Variants in DPY19L2 observed in about 807,000 individuals in gnomAD.
DPY19L2 encodes dpy-19 like 2.
A neutral mutation model predicts 97.9 loss-of-function variants in DPY19L2; 34 were observed. The observed-to-expected ratio is 0.35, with a 90% CI of 0.26 to 0.46. DPY19L2 has a LOEUF of 0.46. Ranked by LOEUF, DPY19L2 falls within the 20% of genes least tolerant of loss-of-function variation. The probability of loss-of-function intolerance (pLI) is 1.00; values close to 1 mark genes in which losing one functional copy is unlikely to be tolerated. For missense variants in DPY19L2, 623 were observed against 911.4 expected, an observed-to-expected ratio of 0.68 and a Z score of 4.07; for synonymous variants, 230 against 307.9, an observed-to-expected ratio of 0.75 and a Z score of 2.65.
intron 21 of DPY19L2, among the ~76,000 whole-genome samples, chr12:63,564,986 C>T (rs1877374025): frequency 6.6e-6 from 1 of 152,084 alleles, no homozygotes; most frequent in Non-Finnish European, 1.5e-5. Flanking sequence ...CTTGTTTAAC[C>T]TTGATAATAT....
intron 4 of DPY19L2, among the ~76,000 whole-genome samples, chr12:63,659,444 A>T (rs1895392407): frequency 6.6e-6 from 1 of 150,432 alleles, no homozygotes; most frequent in Non-Finnish European, 1.5e-5. Context: ...TACATGTACA[A>T]ATCCAACATA....
intron 15 of DPY19L2, among the ~76,000 whole-genome samples, chr12:63,594,637 CGTGTGTGTGCGTGTCT>C (rs1421522097): frequency 2.4e-5 from 3 of 124,982 alleles, no homozygotes; most frequent in African/African-American, 7.7e-5. Context: ...GCTGCAGGGA[CGTGTGTGTGCGTGTCT>C]GTGTGTGTGT....
At chr12:63,608,402 G>A (rs965283034) in intron 12 of DPY19L2, among the ~76,000 whole-genome samples, 8 of 152,164 alleles carry the variant, frequency 5.3e-5, no homozygotes, top group African/African-American at 1.9e-4. Flanking sequence ...AGTTAGTTGT[G>A]AAATATGTGA....
chr12:63,664,654 C>T (rs1415165281), intron 2 of DPY19L2, among the ~76,000 whole-genome samples: 1 of 152,130 alleles, frequency 6.6e-6, no homozygotes, highest in Non-Finnish European at 1.5e-5. Flanking sequence ...AGTAGTGAAA[C>T]TCAACAGCTG....
intron 11 of DPY19L2, among the ~76,000 whole-genome samples, 184 bp from the exon 12 acceptor site, chr12:63,608,859 G>A (rs2942662): frequency 6.6e-6 from 1 of 152,058 alleles, no homozygotes; most frequent in South Asian, 2.1e-4. Context: ...CTTGAGGTGA[G>A]AGTTAAATGG....
chr12:63,628,945 C>A (rs544964027), intron 6 of DPY19L2, among the ~76,000 whole-genome samples: 236 of 151,982 alleles, frequency 1.6e-3, no homozygotes, highest in Middle Eastern at 0.014. Flanking sequence ...TGCTGATACC[C>A]ACGCAAACAG....
intron 6 of DPY19L2, among the ~76,000 whole-genome samples, chr12:63,643,272 T>C (rs1435485076): frequency 1.3e-5 from 2 of 152,050 alleles, no homozygotes; most frequent in African/African-American, 4.8e-5. Flanking sequence ...TTATGTACCG[T>C]GCTGGATAGT....
intron 1 of DPY19L2, among the ~76,000 whole-genome samples, chr12:63,667,381 C>T (rs1250657666): frequency 2.0e-5 from 3 of 152,028 alleles, no homozygotes; most frequent in Non-Finnish European, 4.4e-5. Flanking sequence ...TCTCTCACTC[C>T]CTCCCTTAAC....
intron 15 of DPY19L2, 143 bp downstream of exon 15, chr12:63,595,823 C>T (rs1255411254): frequency 1.2e-5 from 8 of 680,686 alleles, no homozygotes; most frequent in South Asian, 4.0e-5. Flanking sequence ...ATAAAAAGAT[C>T]GATGATGAAA....
upstream of DPY19L2, chr12:63,668,689 C>G: frequency 2.6e-6 from 1 of 387,894 alleles, no homozygotes; most frequent in Non-Finnish European, 4.7e-6. Flanking sequence ...CGCACAGCCC[C>G]CCACACCCTC....
Position 63,668,335 on chromosome 12 carries a change from T to G in DPY19L2, c.59A>C (p.Lys20Thr). 1 of 1,613,832 alleles carries G rather than the reference T, an allele frequency of 6.2e-7. No individual in the cohort carries two copies. Among genetic ancestry groups the G allele is most frequent in the Non-Finnish European group, 8.5e-7 (1 of 1,179,916 alleles). ...GGCGAGGGAGGCCCCGCGCCGCCCC[T>G]TAGACTGGCTGCGGCCGGAAGATTG... ...RLQSSGRSQS[K>T]GRRGASLARE... Residue 20 changes from lysine (K) to threonine (T), a missense_variant, in exon 1 of 22, where the codon AAG becomes ACG. By Grantham distance (78) the Lys-to-Thr change is moderately conservative (BLOSUM62 -1). Transcript: ENST00000324472.
rs141339630 is a variant in DPY19L2 at position 63,624,024 on chromosome 12, T to C, written c.953+16A>G. 51,054 of 1,579,464 alleles carry C rather than the reference T, an allele frequency of 0.032. 1,123 individuals are homozygous for C. The highest frequency in any genetic ancestry group is 0.051 in the South Asian group (4,618 of 89,850). On this transcript the variant is annotated intron_variant, in intron 8 of 21. Transcript: ENST00000324472. ...AATTATAATTTATTTGCCTTCGTTT[T>C]ATAAATCGAAGTTACCTGAGAATCA...
chr12:63,650,780 G>T (rs1426761222), intron 4 of DPY19L2, among the ~76,000 whole-genome samples: 2 of 152,050 alleles, frequency 1.3e-5, no homozygotes, highest in East Asian at 3.8e-4. Context: ...GCAATTTACA[G>T]ATTCAATGCT....
In DPY19L2 at chr12:63,652,982, C is replaced by A. The variant is rs564634369; in HGVS notation, c.589-5617G>T. Among the ~76,000 whole-genome samples, 134 of 151,912 alleles carry A rather than the reference C, an allele frequency of 8.8e-4. 1 individual carries two copies. Among genetic ancestry groups the A allele is most frequent in the Non-Finnish European group, 1.6e-3 (112 of 67,970 alleles). On this transcript the variant is annotated intron_variant, in intron 4 of 21. Coordinates refer to ENST00000324472, the MANE Select transcript of DPY19L2 (RefSeq NM_173812.5). The stretch of plus-strand genomic sequence containing the variant: ...AAAAATAGAACACATAAAGAAAAGT[C>A]AAAATTTTCAGAACTCAAAAATAAA...
intron 6 of DPY19L2, among the ~76,000 whole-genome samples, chr12:63,633,688 G>C (rs1252368): frequency 6.6e-6 from 1 of 151,986 alleles, no homozygotes; most frequent in Non-Finnish European, 1.5e-5. Context: ...TAGAAATACC[G>C]TTTGACCCAG....
At chr12:63,662,840 A>T (rs1895859254) in intron 3 of DPY19L2, among the ~76,000 whole-genome samples, 1 of 152,140 alleles carries the variant, frequency 6.6e-6, no homozygotes, top group Non-Finnish European at 1.5e-5. Context: ...TTATAGGGGC[A>T]ATATAGGGAT....
chr12:63,668,610 C>G (rs1236866288), upstream of DPY19L2: 8 of 564,088 alleles, frequency 1.4e-5, no homozygotes, highest in East Asian at 2.4e-4. Flanking sequence ...CTCACGTGCT[C>G]CCCAGCGCGA....
chr12:63,585,591 T>C lies in DPY19L2; in HGVS notation c.1581-1755A>G, dbSNP rs569168765. On this transcript the variant is annotated intron_variant, in intron 16 of 21. Transcript: ENST00000324472. The stretch of plus-strand genomic sequence containing the variant: ...AAATCTTCTAGGCACAACAGATTCC[T>C]GTAGTGAGCTGCATGCAAGGAAGAA... Among the ~76,000 whole-genome samples the C allele has an allele frequency of 2.0e-5, 3 of 152,190 alleles. No individual in the cohort carries two copies. In the South Asian group the frequency reaches 6.2e-4, roughly 32 times the overall value.
chr12:63,643,119 A>T (rs1284598128), intron 6 of DPY19L2, among the ~76,000 whole-genome samples: 1 of 152,086 alleles, frequency 6.6e-6, no homozygotes, highest in Non-Finnish European at 1.5e-5. Flanking sequence ...ATCTAGTAAC[A>T]TTGTAAATTT....
Sources: gnomAD v4.1 joint callset for allele counts (sites outside exome capture counted in the v4.1 genomes callset) on GRCh38, gnomAD v4.1.1 for gene constraint, MANE v1.5 for transcripts, NCBI Gene and HGNC (gene_info 2026-07-23, HGNC 2026-07-21) for gene names.